The following SLC25A37 variants were observed in gnomAD, a reference collection of about 807,000 sequenced individuals.
SLC25A37 encodes mitoferrin-1.
SLC25A37 carries 17 observed loss-of-function variants against 31.0 expected under a neutral mutation model. The observed-to-expected ratio is 0.55, with a 90% CI of 0.38 to 0.82. SLC25A37 has a LOEUF of 0.82. Ranked by LOEUF, SLC25A37 falls within the 40% of genes least tolerant of loss-of-function variation. The pLI is 0.00. For synonymous variants in SLC25A37, 222 were observed against 193.0 expected, an observed-to-expected ratio of 1.15 and a Z score of -1.24; for missense variants, 404 against 465.8, an observed-to-expected ratio of 0.87 and a Z score of 1.22.
At chr8:23,552,997 T>A (rs1802268736) in intron 1 of SLC25A37, among the ~76,000 whole-genome samples, 1 of 152,212 alleles carries the variant, frequency 6.6e-6, no homozygotes. Context: ...TCTAGGTGCC[T>A]GGATACTCCT....
At chr8:23,545,355 T>G (rs1802007646) in intron 1 of SLC25A37, among the ~76,000 whole-genome samples, 1 of 152,218 alleles carries the variant, frequency 6.6e-6, no homozygotes, top group Non-Finnish European at 1.5e-5. Context: ...TGGCCTGCTA[T>G]CAAATGCCAG....
At chr8:23,561,532 T>G (rs1802515130) in intron 1 of SLC25A37, among the ~76,000 whole-genome samples, 1 of 152,230 alleles carries the variant, frequency 6.6e-6, no homozygotes, top group Non-Finnish European at 1.5e-5. Context: ...AGGATGGCCA[T>G]GCCCTAAGGT....
At chr8:23,549,793 C>T (rs1225037067) in intron 1 of SLC25A37, among the ~76,000 whole-genome samples, 3 of 102,856 alleles carry the variant, frequency 2.9e-5, no homozygotes, top group Admixed American at 2.8e-4. Context: ...CCTGGCATCT[C>T]TAAATTCCAG....
intron 1 of SLC25A37, among the ~76,000 whole-genome samples, chr8:23,543,912 A>G (rs1801967650): frequency 6.6e-6 from 1 of 151,782 alleles, no homozygotes; most frequent in Admixed American, 6.6e-5. Flanking sequence ...CCAGGCTGGA[A>G]TGCAGTGGCA....
At position 23,529,137 on chromosome 8, in the gene SLC25A37, G is replaced by C. The variant is rs1232508295; in HGVS notation, c.135G>C (p.Val45=). 1.9e-6 allele frequency: 3 copies of C among 1,611,842 alleles called. No individual in the cohort carries two copies. Among genetic ancestry groups the C allele is most frequent in the Non-Finnish European group, 2.5e-6 (3 of 1,179,290 alleles). ...DYENLPTSAS[V]STHMTAGAMA... ...AGAACCTGCCGACTAGCGCCTCCGT[G>C]TCCACCCACATGACAGCAGGAGCGA... is the stretch of plus-strand genomic sequence containing the variant. Residue 45 remains valine, a synonymous_variant, in exon 1 of 4, where the codon GTG becomes GTC. Transcript: ENST00000519973. This position sits in a 1 kb window ranked among gnomAD's most constrained non-coding sequence, Gnocchi z 4.1.
chr8:23,571,655 G>A lies in SLC25A37; in HGVS notation c.817G>A (p.Ala273Thr). The change falls in exon 4 of 4, where the codon GCC (alanine) becomes ACC (threonine). Residue 273 changes from alanine (A) to threonine (T), a missense_variant. Around this residue, in one of 3 missense-constraint regions of SLC25A37, gnomAD observed 243 missense variants for 284.4 expected, o/e 0.85. Coordinates refer to ENST00000519973, the MANE Select transcript of SLC25A37 (RefSeq NM_016612.4). ...TCAGGAGAACGTGGCCCTCTCGCTG[G>A]CCAACATCAGCGGCCGGCTGTCGGG... The part of the protein sequence containing the change: ...NTQENVALSL[A>T]NISGRLSGMA... The A allele has an allele frequency of 6.2e-7, 1 of 1,613,876 alleles. No individual in the cohort carries two copies. The highest frequency in any genetic ancestry group is 8.5e-7 in the Non-Finnish European group (1 of 1,179,866).
chr8:23,549,250 C>A (rs766633412), intron 1 of SLC25A37, among the ~76,000 whole-genome samples: 6 of 152,174 alleles, frequency 3.9e-5, no homozygotes, highest in Non-Finnish European at 8.8e-5. Context: ...GCTGAGACTT[C>A]TGTGGTCTGG....
intron 1 of SLC25A37, among the ~76,000 whole-genome samples, chr8:23,559,646 T>G (rs1215378675): frequency 1.3e-5 from 2 of 152,144 alleles, no homozygotes; most frequent in East Asian, 3.9e-4. Flanking sequence ...ACAAGAACTC[T>G]CCGTCCTGTT....
chr8:23,569,304 G>A (rs11781209), intron 3 of SLC25A37, among the ~76,000 whole-genome samples: 1 of 152,076 alleles, frequency 6.6e-6, no homozygotes, highest in African/African-American at 2.4e-5. Context: ...GCTTTACACC[G>A]AACCTACTGG....
intron 1 of SLC25A37, among the ~76,000 whole-genome samples, chr8:23,564,857 C>T (rs1447750996): frequency 6.6e-6 from 1 of 151,490 alleles, no homozygotes; most frequent in Non-Finnish European, 1.5e-5. Flanking sequence ...ACCTACCTAC[C>T]TGTCTCTGTC....
chr8:23,560,059 T>A (rs1340405622), intron 1 of SLC25A37, among the ~76,000 whole-genome samples: 1 of 152,152 alleles, frequency 6.6e-6, no homozygotes, highest in Non-Finnish European at 1.5e-5. Flanking sequence ...GGAGCATCAC[T>A]TGAGCCCAAG....
At chr8:23,564,163 A>G (rs1326640202) in intron 1 of SLC25A37, among the ~76,000 whole-genome samples, 1 of 151,906 alleles carries the variant, frequency 6.6e-6, no homozygotes, top group African/African-American at 2.4e-5. Context: ...TTCTGGGCAA[A>G]ATAAAAAGTT....
chr8:23,547,839 G>A (rs185953101), intron 1 of SLC25A37, among the ~76,000 whole-genome samples: 2 of 152,274 alleles, frequency 1.3e-5, no homozygotes, highest in East Asian at 1.9e-4. Flanking sequence ...AATGCTGAAC[G>A]GCCACAGCCC....
chr8:23,541,293 C>G (rs1288260560), intron 1 of SLC25A37, among the ~76,000 whole-genome samples: 6 of 152,252 alleles, frequency 3.9e-5, no homozygotes, highest in African/African-American at 1.4e-4. Context: ...TATCCTTACT[C>G]TTATTTTCCA....
chr8:23,567,418 A>G (rs1802693975), intron 2 of SLC25A37: 1 of 152,182 alleles, frequency 6.6e-6, no homozygotes, highest in African/African-American at 2.4e-5. Context: ...GCCTTACGTA[A>G]TGGTTTTACT....
At chr8:23,539,132 A>G (rs7834883) in intron 1 of SLC25A37, among the ~76,000 whole-genome samples, 35,470 of 152,114 alleles carry the variant, frequency 0.23, 7,169 homozygotes, top group African/African-American at 0.53. Flanking sequence ...TTTCACATTC[A>G]TGCTTTCTCT....
At chr8:23,541,683 C>G (rs193123220) in intron 1 of SLC25A37, 1 of 152,392 alleles carries the variant, frequency 6.6e-6, no homozygotes, top group East Asian at 1.9e-4. Flanking sequence ...ACTCACGGCA[C>G]GTCCTTGATA....
At chr8:23,566,079 G>T (rs761757446) in intron 1 of SLC25A37, 29 bp from the exon 2 acceptor site, 8 of 1,542,520 alleles carry the variant, frequency 5.2e-6, no homozygotes, top group East Asian at 2.4e-5. Flanking sequence ...CTCTATTTTT[G>T]TTTGTTTTCT....
chr8:23,538,335 C>T (rs947939876), intron 1 of SLC25A37, among the ~76,000 whole-genome samples: 3 of 136,134 alleles, frequency 2.2e-5, no homozygotes, highest in Admixed American at 1.7e-4. Context: ...GAGCCGAGAT[C>T]GCGCCATTGC....
Sources: gnomAD v4.1 joint callset for allele counts (sites outside exome capture counted in the v4.1 genomes callset) on GRCh38, gnomAD v4.1.1 for gene constraint, gnomAD v4.1.1 regional missense constraint, Gnocchi (gnomAD v3.1) non-coding constraint, MANE v1.5 for transcripts, NCBI Gene and HGNC (gene_info 2026-07-23, HGNC 2026-07-21) for gene names.